The following NUBPL variants were observed in gnomAD, a reference collection of about 807,000 sequenced individuals.
NUBPL encodes iron-sulfur cluster transfer protein NUBPL.
Under a neutral mutation model 45.7 loss-of-function variants are expected in NUBPL, and 31 were observed. That is an observed-to-expected ratio of 0.68 (90% confidence interval 0.51 to 0.92). NUBPL has a LOEUF of 0.92. NUBPL is among the 40% of genes least tolerant of loss of function. The pLI is 0.00. For synonymous variants in NUBPL, 144 were observed against 140.9 expected (o/e 1.02, Z -0.15); for missense variants, 401 against 398.7 (o/e 1.01, Z -0.05).
chr14:31,775,750 C>T (rs1438855669), intron 6 of NUBPL, among the ~76,000 whole-genome samples: 2 of 152,182 alleles, frequency 1.3e-5, no homozygotes, highest in East Asian at 3.9e-4. Context: ...ACCTTGGTAA[C>T]TCCAATTTCT....
intron 6 of NUBPL, among the ~76,000 whole-genome samples, chr14:31,740,285 T>A (rs1375039737): frequency 2.0e-5 from 3 of 152,208 alleles, no homozygotes; most frequent in Non-Finnish European, 4.4e-5. Context: ...AATGAGCGTT[T>A]CTTTTGCTCC....
chr14:31,635,591 A>C (rs1374789274), intron 4 of NUBPL, among the ~76,000 whole-genome samples: 2 of 151,920 alleles, frequency 1.3e-5, no homozygotes, highest in African/African-American at 4.8e-5. Context: ...TTGGTTCCAT[A>C]TGAACTTTAA....
intron 10 of NUBPL, among the ~76,000 whole-genome samples, chr14:31,857,057 G>A (rs767239761): frequency 8.5e-5 from 13 of 152,172 alleles, no homozygotes; most frequent in Admixed American, 3.3e-4. Flanking sequence ...TAAGGACCTC[G>A]CCCCTACAGC....
chr14:31,690,091 G>GAA (rs61028866), intron 6 of NUBPL, among the ~76,000 whole-genome samples: 45,447 of 148,192 alleles, frequency 0.31, 7,446 homozygotes, highest in South Asian at 0.41. Context: ...ACTCATTCTG[G>GAA]AAAAAAAAAA....
chr14:31,610,396 A>G (rs1214556925), intron 4 of NUBPL, among the ~76,000 whole-genome samples: 1 of 151,920 alleles, frequency 6.6e-6, no homozygotes, highest in Non-Finnish European at 1.5e-5. Context: ...ACAGACCAAC[A>G]ACAAGTAACA....
chr14:31,580,884 A>C (rs1425255480), intron 3 of NUBPL, among the ~76,000 whole-genome samples: 1 of 152,242 alleles, frequency 6.6e-6, no homozygotes, highest in Non-Finnish European at 1.5e-5. Context: ...GAGGCATGTC[A>C]TGCAAAGCCT....
intron 6 of NUBPL, among the ~76,000 whole-genome samples, chr14:31,743,950 A>G (rs2038341270): frequency 6.6e-6 from 1 of 152,224 alleles, no homozygotes; most frequent in African/African-American, 2.4e-5. Context: ...TGCTATTGTC[A>G]GGTTAAGCCA....
intron 3 of NUBPL, among the ~76,000 whole-genome samples, chr14:31,579,373 G>A (rs756756558): frequency 6.6e-6 from 1 of 152,172 alleles, no homozygotes; most frequent in African/African-American, 2.4e-5. Flanking sequence ...TTAAAACATT[G>A]TGTGCAGCTG....
intron 4 of NUBPL, among the ~76,000 whole-genome samples, chr14:31,647,453 A>G (rs923636239): frequency 1.3e-5 from 2 of 152,144 alleles, no homozygotes; most frequent in African/African-American, 4.8e-5. Context: ...CCTGAGCTCT[A>G]GTATTCAGTA....
At chr14:31,589,750 A>G (rs922858407) in intron 3 of NUBPL, among the ~76,000 whole-genome samples, 7 of 152,182 alleles carry the variant, frequency 4.6e-5, no homozygotes, top group African/African-American at 1.2e-4. Context: ...AACCCCTGCC[A>G]TATTTTCTGC....
At chr14:31,597,070 G>A (rs1052472938) in intron 3 of NUBPL, among the ~76,000 whole-genome samples, 3 of 151,942 alleles carry the variant, frequency 2.0e-5, no homozygotes, top group African/African-American at 4.8e-5. Context: ...TTCTTCCTCC[G>A]TCCTTAATCC....
intron 7 of NUBPL, among the ~76,000 whole-genome samples, chr14:31,811,120 A>G (rs769899898): frequency 6.5e-4 from 99 of 152,170 alleles, no homozygotes; most frequent in Admixed American, 1.4e-3. Flanking sequence ...TTCAAGGAGT[A>G]TATTTGTGGT....
intron 6 of NUBPL, among the ~76,000 whole-genome samples, chr14:31,678,445 G>A (rs1269125323): frequency 1.3e-5 from 2 of 152,204 alleles, no homozygotes; most frequent in African/African-American, 4.8e-5. Flanking sequence ...CCAAAGGACC[G>A]TGGCATAGTT....
At chr14:31,771,966 A>G (rs117056861) in intron 6 of NUBPL, 1 of 780,162 alleles carries the variant, frequency 1.3e-6, no homozygotes, top group Admixed American at 6.2e-5. Context: ...ATGTCCTTCA[A>G]GTGCTCTAAT....
intron 4 of NUBPL, among the ~76,000 whole-genome samples, chr14:31,649,938 C>T (rs962950598): frequency 3.3e-4 from 51 of 152,282 alleles, no homozygotes; most frequent in African/African-American, 1.2e-3. Context: ...CCGCTCACTG[C>T]AACCTCCGCC....
chr14:31,756,466 T>C lies in NUBPL; in HGVS notation c.514-31314T>C, dbSNP rs1205299993. ...AGTTTTATTCTGTTTGAAGCAATTG[T>C]GAATGGGAGTTCACTCATGATTTGG... On this transcript the variant is annotated intron_variant, in intron 6 of 10. Coordinates refer to ENST00000281081, the MANE Select transcript of NUBPL (RefSeq NM_025152.3). Among the ~76,000 whole-genome samples, 513 of 151,470 alleles carry C rather than the reference T, an allele frequency of 3.4e-3. 2 individuals are homozygous for C. The highest frequency in any genetic ancestry group is 0.012 in the African/African-American group (482 of 40,790).
At chr14:31,822,080 A>C (rs1301217753) in intron 7 of NUBPL, among the ~76,000 whole-genome samples, 1 of 151,480 alleles carries the variant, frequency 6.6e-6, no homozygotes, top group African/African-American at 2.4e-5. Context: ...TAATGGGTAC[A>C]AAAAAAAATA....
intron 4 of NUBPL, among the ~76,000 whole-genome samples, chr14:31,625,149 AAAG>A (rs2035170531): frequency 6.6e-6 from 1 of 152,242 alleles, no homozygotes; most frequent in South Asian, 2.1e-4. Flanking sequence ...AGAGAAGTAG[AAAG>A]AAGACCAGGA....
At chr14:31,627,704 T>C (rs2378898) in intron 4 of NUBPL, among the ~76,000 whole-genome samples, 9,527 of 148,610 alleles carry the variant, frequency 0.064, 411 homozygotes, top group Non-Finnish European at 0.092. Flanking sequence ...AGGCAGAGCT[T>C]GCAGTGAGCT....
Sources: gnomAD v4.1 joint callset for allele counts (sites outside exome capture counted in the v4.1 genomes callset) on GRCh38, gnomAD v4.1.1 for gene constraint, MANE v1.5 for transcripts, NCBI Gene and HGNC (gene_info 2026-07-23, HGNC 2026-07-21) for gene names.